TPH2: variants seen among roughly 807,000 people sequenced by gnomAD.
TPH2 encodes tryptophan 5-hydroxylase 2.
TPH2 carries 27 observed loss-of-function variants against 59.1 expected under a neutral mutation model. That is an observed-to-expected ratio of 0.46 (90% CI 0.34 to 0.63). TPH2 has a LOEUF of 0.63. Ranked by LOEUF, TPH2 falls within the 30% of genes least tolerant of loss-of-function variation. The pLI is 0.01. For synonymous variants in TPH2, 220 were observed against 210.5 expected (o/e 1.05, Z -0.39); for missense variants, 523 against 588.3 (o/e 0.89, Z 1.15).
chr12:72,008,290 A>T (rs1207399583), intron 8 of TPH2, among the ~76,000 whole-genome samples: 1 of 152,204 alleles, frequency 6.6e-6, no homozygotes, highest in Non-Finnish European at 1.5e-5. Context: ...GGCTATCTCT[A>T]CCTTGGAAAA....
chr12:71,958,338 T>C (rs933695449), intron 5 of TPH2, among the ~76,000 whole-genome samples: 4 of 152,232 alleles, frequency 2.6e-5, no homozygotes, highest in African/African-American at 9.6e-5. Context: ...GTTTTCTTTT[T>C]TGTTTTCTGA....
At chr12:72,027,481 C>T (rs983267263) in intron 9 of TPH2, among the ~76,000 whole-genome samples, 8 of 152,162 alleles carry the variant, frequency 5.3e-5, no homozygotes, top group African/African-American at 1.9e-4. Flanking sequence ...CAGATGAATA[C>T]TCAAATAGGC....
At chr12:72,026,840 A>T (rs2139249287) in intron 9 of TPH2, among the ~76,000 whole-genome samples, 1 of 152,336 alleles carries the variant, frequency 6.6e-6, no homozygotes, top group Non-Finnish European at 1.5e-5. Flanking sequence ...CAATGGGGAT[A>T]TAGATGTCAC....
At chr12:71,990,931 C>T (rs1054486075) in intron 7 of TPH2, among the ~76,000 whole-genome samples, 8 of 152,330 alleles carry the variant, frequency 5.3e-5, no homozygotes, top group East Asian at 1.9e-4. Context: ...CTAGACAACT[C>T]GCTTCAGGCT....
intron 9 of TPH2, among the ~76,000 whole-genome samples, chr12:72,026,519 G>A (rs112101607): frequency 3.9e-5 from 6 of 152,316 alleles, no homozygotes; most frequent in African/African-American, 1.4e-4. Context: ...CAAGGGCCTT[G>A]CAGGTTCTCT....
rs1349614764 is a variant in TPH2, at chr12:71,972,675, C to T, written c.765C>T (p.Asp255=). ...CTAAATACTGTGGCTACAGAGAGGA[C>T]AATGTGCCTCAACTCGAAGATGTCT... is the stretch of plus-strand genomic sequence containing the variant. ...LLTKYCGYRE[D]NVPQLEDVSM... is the part of the protein sequence containing the mutation. Residue 255 remains aspartate (D), a synonymous_variant, in exon 6 of 11, where the codon GAC becomes GAT. Coordinates refer to ENST00000333850, the MANE Select transcript of TPH2 (RefSeq NM_173353.4). The T allele has an allele frequency of 1.2e-6, 2 of 1,614,030 alleles. No individual in the cohort carries two copies. Among genetic ancestry groups the T allele is most frequent in the East Asian group, 2.2e-5 (1 of 44,902 alleles).
At chr12:72,023,824 A>AAAAAAAAAAAAAAAAAAAAAAAAAAAAG (rs1555215108) in intron 9 of TPH2, among the ~76,000 whole-genome samples, 1 of 126,744 alleles carries the variant, frequency 7.9e-6, no homozygotes, top group Non-Finnish European at 1.6e-5. Context: ...TCTGACAGAA[A>AAAAAAAAAAAAAAAAAAAAAAAAAAAAG]AAAAAAAAAA....
At chr12:72,024,655 A>G (rs900117404) in intron 9 of TPH2, among the ~76,000 whole-genome samples, 1 of 152,354 alleles carries the variant, frequency 6.6e-6, no homozygotes, top group Middle Eastern at 3.4e-3. Context: ...AAGTTACACC[A>G]GAAACAAAGG....
At chr12:71,971,905 TG>T (rs1037919483) in intron 5 of TPH2, among the ~76,000 whole-genome samples, 6 of 152,224 alleles carry the variant, frequency 3.9e-5, no homozygotes, top group Non-Finnish European at 5.9e-5. Flanking sequence ...AGAAAAAGTT[TG>T]CTGACCTCAT....
At chr12:71,953,839 A>G (rs1871419943) in intron 5 of TPH2, among the ~76,000 whole-genome samples, 1 of 152,134 alleles carries the variant, frequency 6.6e-6, no homozygotes, top group South Asian at 2.1e-4. Flanking sequence ...CTTTCTGGAC[A>G]AGAAGAAGAA....
intron 6 of TPH2, among the ~76,000 whole-genome samples, chr12:71,977,257 A>T (rs904145780): frequency 1.3e-5 from 2 of 152,038 alleles, no homozygotes; most frequent in Non-Finnish European, 2.9e-5. Flanking sequence ...AAGTTTTGCC[A>T]TGTTGCCCAG....
chr12:71,996,654 T>G (rs569965335), intron 8 of TPH2, among the ~76,000 whole-genome samples: 1 of 152,204 alleles, frequency 6.6e-6, no homozygotes, highest in African/African-American at 2.4e-5. Context: ...GGCCAGGCTG[T>G]GTGGAGCTGA....
At chr12:72,008,553 C>T (rs1041925983) in intron 8 of TPH2, among the ~76,000 whole-genome samples, 21 of 152,146 alleles carry the variant, frequency 1.4e-4, no homozygotes, top group Non-Finnish European at 2.9e-4. Context: ...CTCATATTGT[C>T]CCTTAACACA....
chr12:72,015,951 A>G (rs1021477755), intron 8 of TPH2, among the ~76,000 whole-genome samples: 2 of 152,226 alleles, frequency 1.3e-5, no homozygotes, highest in Non-Finnish European at 2.9e-5. Flanking sequence ...TCAGTATTTC[A>G]ACAACAGGAA....
Position 71,986,841 on chromosome 12 carries a change from G to A in TPH2, c.942-7598G>A, listed in dbSNP as rs117672780. Among the ~76,000 whole-genome samples, 27 of 152,236 alleles carry A rather than the reference G, an allele frequency of 1.8e-4. No individual in the cohort carries two copies. In the East Asian group the frequency reaches 3.9e-3, roughly 22 times the overall value. ...ATTTTCAGGTGTGGAAGACTGAGAT[G>A]ACCAGGGAGAAATTTTTCCAGGAGT... On this transcript the variant is annotated intron_variant, in intron 7 of 10. Coordinates refer to ENST00000333850, the MANE Select transcript of TPH2 (RefSeq NM_173353.4).
intron 2 of TPH2, among the ~76,000 whole-genome samples, chr12:71,942,475 A>T (rs553750339): frequency 6.6e-6 from 1 of 152,282 alleles, no homozygotes; most frequent in Non-Finnish European, 1.5e-5. Flanking sequence ...AGCTGTTAAG[A>T]TAAGGAACCT....
At position 71,949,583 on chromosome 12, in the gene TPH2, T is replaced by G; in HGVS notation, c.541-5T>G. On this transcript the variant is annotated splice_region_variant and splice_polypyrimidine_tract_variant and intron_variant, in intron 4 of 10. Coordinates refer to ENST00000333850, the MANE Select transcript of TPH2 (RefSeq NM_173353.4). ...TTAAATAACTTAATCTTTTTTGTGTTTAAGGGATTTAAGGACAATGTCTAT... is the reference window on the plus strand; with the variant it reads ...TTAAATAACTTAATCTTTTTTGTGTGTAAGGGATTTAAGGACAATGTCTAT... 1 of 1,612,420 alleles carries G rather than the reference T, an allele frequency of 6.2e-7. No individual in the cohort carries two copies. Among genetic ancestry groups the G allele is most frequent in the South Asian group, 1.1e-5 (1 of 91,036 alleles).
chr12:71,950,169 A>T (rs1195000916), intron 5 of TPH2, among the ~76,000 whole-genome samples: 2 of 152,202 alleles, frequency 1.3e-5, no homozygotes, highest in East Asian at 3.8e-4. Context: ...CAGAGTTGGG[A>T]TGGAAGAGGA....
chr12:71,965,096 G>A (rs1042329109), intron 5 of TPH2: 1 of 152,168 alleles, frequency 6.6e-6, no homozygotes, highest in Non-Finnish European at 1.5e-5. Context: ...CTCCATCCAT[G>A]TTGCTGCAAA....
Sources: gnomAD v4.1 joint callset for allele counts (sites outside exome capture counted in the v4.1 genomes callset) on GRCh38, gnomAD v4.1.1 for gene constraint, MANE v1.5 for transcripts, NCBI Gene and HGNC (gene_info 2026-07-23, HGNC 2026-07-21) for gene names.